The following KCND2 variants were observed in gnomAD, a reference collection of about 807,000 sequenced individuals.
KCND2 encodes the protein potassium voltage-gated channel subfamily D member 2.
KCND2 carries 16 observed loss-of-function variants against 54.4 expected under a neutral mutation model. The ratio of observed to expected loss-of-function variants is 0.29; its 90% confidence interval spans 0.20 to 0.45. The LOEUF (loss-of-function observed/expected upper bound fraction) is 0.45, where lower values mean the gene tolerates loss of function less well. Ranked by LOEUF, KCND2 falls within the 20% of genes least tolerant of loss-of-function variation. The pLI, the probability that KCND2 is intolerant of heterozygous loss-of-function variation, is 1.00. For missense variants in KCND2, 486 were observed against 824.2 expected (o/e 0.59, Z 5.02); for synonymous variants, 317 against 310.7 (o/e 1.02, Z -0.21).
At chr7:120,572,169 T>TTC (rs1792374077) in intron 1 of KCND2, among the ~76,000 whole-genome samples, 1 of 151,942 alleles carries the variant, frequency 6.6e-6, no homozygotes, top group African/African-American at 2.4e-5. Flanking sequence ...CCATCCTAAC[T>TTC]ATGAATGCTT....
intron 1 of KCND2, among the ~76,000 whole-genome samples, chr7:120,694,259 G>A (rs191869344): frequency 1.3e-3 from 203 of 152,200 alleles, no homozygotes; most frequent in African/African-American, 4.6e-3. Flanking sequence ...TTGGTGGGGC[G>A]GAGCCACCTC....
At chr7:120,542,097 C>T (rs1222722621) in intron 1 of KCND2, among the ~76,000 whole-genome samples, 1 of 151,008 alleles carries the variant, frequency 6.6e-6, no homozygotes, top group Non-Finnish European at 1.5e-5. Context: ...ATTAATGGTG[C>T]TGTAAATATA....
In KCND2 at chr7:120,561,084, C is replaced by T. The variant is rs570719000; in HGVS notation, c.1116-171819C>T. 2.0e-5 allele frequency among the ~76,000 whole-genome samples: 3 copies of T among 152,262 alleles called. No homozygotes were observed. The East Asian group carries it at 5.8e-4, about 29-fold the overall frequency. ...ACGATCAATCTTTTGAAACAGTTAC[C>T]TCAAGAGGATATAGAAACAGTCTAG... On this transcript the variant is annotated intron_variant, in intron 1 of 5. Transcript: ENST00000331113.
intron 1 of KCND2, among the ~76,000 whole-genome samples, chr7:120,485,290 A>G (rs889604152): frequency 6.6e-6 from 1 of 152,204 alleles, no homozygotes; most frequent in African/African-American, 2.4e-5. Context: ...TCTGGACATT[A>G]TTTCTACAAC....
chr7:120,501,716 C>T (rs1461440967), intron 1 of KCND2, among the ~76,000 whole-genome samples: 1 of 152,076 alleles, frequency 6.6e-6, no homozygotes, highest in Non-Finnish European at 1.5e-5. Context: ...GTAAGAAACT[C>T]GATAAGCCAA....
At chr7:120,731,264 A>C (rs1252289345) in intron 1 of KCND2, among the ~76,000 whole-genome samples, 2 of 152,126 alleles carry the variant, frequency 1.3e-5, no homozygotes, top group Non-Finnish European at 2.9e-5. Flanking sequence ...TGAAAAAATA[A>C]ATCAATAAAT....
At chr7:120,394,749 A>G (rs1340923042) in intron 1 of KCND2, among the ~76,000 whole-genome samples, 1 of 152,016 alleles carries the variant, frequency 6.6e-6, no homozygotes, top group Non-Finnish European at 1.5e-5. Context: ...GACTAGAAGT[A>G]AGATGGAATC....
chr7:120,317,221 A>G (rs1014136903), intron 1 of KCND2, among the ~76,000 whole-genome samples: 11 of 152,150 alleles, frequency 7.2e-5, no homozygotes, highest in Non-Finnish European at 1.6e-4. Context: ...TCTTCAATAA[A>G]CTGTTAGGAA....
chr7:120,275,292 C>T lies in KCND2; in HGVS notation c.660C>T (p.Pro220=). The change falls in exon 1 of 6, where the codon CCC becomes CCT. Residue 220 remains proline, a synonymous_variant. Transcript: ENST00000331113. ...GSSPGHIKEL[P]CGERYAVAFF... ...GCCCAGGTCACATTAAAGAACTGCC[C>T]TGTGGAGAGCGGTATGCTGTGGCCT... 1 of 1,613,898 alleles carries T rather than the reference C, an allele frequency of 6.2e-7. No homozygotes were observed. Among genetic ancestry groups the T allele is most frequent in the Non-Finnish European group, 8.5e-7 (1 of 1,179,978 alleles).
intron 1 of KCND2, among the ~76,000 whole-genome samples, chr7:120,582,089 A>G (rs759857458): frequency 2.1e-4 from 32 of 152,252 alleles, no homozygotes; most frequent in Non-Finnish European, 3.8e-4. Flanking sequence ...AGGGTAATCT[A>G]TGTCACTCTT....
At chr7:120,684,034 T>C (rs1176886761) in intron 1 of KCND2, among the ~76,000 whole-genome samples, 4 of 152,096 alleles carry the variant, frequency 2.6e-5, no homozygotes, top group Non-Finnish European at 5.9e-5. Flanking sequence ...ATAGGGACCA[T>C]CTCCAAATAG....
intron 1 of KCND2, among the ~76,000 whole-genome samples, chr7:120,291,092 C>A (rs947997268): frequency 3.3e-5 from 5 of 151,808 alleles, no homozygotes; most frequent in African/African-American, 9.7e-5. Context: ...ACAAGTAATC[C>A]ATTTATAAAT....
chr7:120,562,691 T>C (rs1792249788), intron 1 of KCND2, among the ~76,000 whole-genome samples: 1 of 152,184 alleles, frequency 6.6e-6, no homozygotes, highest in Non-Finnish European at 1.5e-5. Flanking sequence ...GGGGAAATTA[T>C]TTGCCAACAT....
chr7:120,339,059 T>A lies in KCND2; in HGVS notation c.1115+63312T>A, dbSNP rs566954202. 5.6e-4 allele frequency among the ~76,000 whole-genome samples: 85 copies of A among 151,704 alleles called. No homozygotes were observed. In the East Asian group the frequency reaches 6.4e-3, roughly 11 times the overall value. On this transcript the variant is annotated intron_variant, in intron 1 of 5. Coordinates refer to ENST00000331113, the MANE Select transcript of KCND2 (RefSeq NM_012281.3). ...CCACACCTGGCTAATTATTATTTTT[T>A]TTTTTTTTGTATTTTTAGTAGAGAC...
chr7:120,701,240 T>TAA (rs34803439), intron 1 of KCND2, among the ~76,000 whole-genome samples: 960 of 55,132 alleles, frequency 0.017, 153 homozygotes, highest in Middle Eastern at 0.052. Flanking sequence ...AATGCCTAGC[T>TAA]AAAAAAAAAA....
chr7:120,375,357 A>G (rs1230208751), intron 1 of KCND2, among the ~76,000 whole-genome samples: 1 of 151,886 alleles, frequency 6.6e-6, no homozygotes, highest in Non-Finnish European at 1.5e-5. Context: ...ATCAAGATAC[A>G]CTTGGAAATT....
intron 1 of KCND2, among the ~76,000 whole-genome samples, chr7:120,562,420 T>A (rs1448971054): frequency 1.3e-5 from 2 of 152,196 alleles, no homozygotes; most frequent in African/African-American, 4.8e-5. Flanking sequence ...ACAAGGAAGT[T>A]ATTCCAGCAA....
At chr7:120,395,716 A>C (rs777570937) in intron 1 of KCND2, among the ~76,000 whole-genome samples, 7 of 152,070 alleles carry the variant, frequency 4.6e-5, no homozygotes, top group Non-Finnish European at 7.4e-5. Context: ...CATATAAGGT[A>C]ACTTCCAGGC....
In KCND2 at chr7:120,394,260, G is replaced by A. The variant is rs143440432; in HGVS notation, c.1115+118513G>A. Among the ~76,000 whole-genome samples the A allele has an allele frequency of 8.6e-3, 1,303 of 152,016 alleles. 15 individuals carry two copies. The highest frequency in any genetic ancestry group is 0.03 in the African/African-American group (1,233 of 41,500). ...TATAGTTTGGTGGGTAGAAAACTAGGAAATAGGTGTTGCAGATTGGCTGGG... is the reference window on the plus strand; with the variant it reads ...TATAGTTTGGTGGGTAGAAAACTAGAAAATAGGTGTTGCAGATTGGCTGGG... On this transcript the variant is annotated intron_variant, in intron 1 of 5. Transcript: ENST00000331113.
Sources: allele counts gnomAD v4.1 joint callset (sites outside exome capture counted in the v4.1 genomes callset), GRCh38; gene constraint gnomAD v4.1.1; transcripts MANE v1.5; gene names NCBI Gene and HGNC (gene_info 2026-07-23, HGNC 2026-07-21).